The following ODF2 variants were observed in gnomAD, a reference collection of about 807,000 sequenced individuals.
The protein encoded by ODF2 is outer dense fiber of sperm tails 2.
In ODF2, 47 loss-of-function variants were observed where a neutral mutation model predicts 110.2. The observed-to-expected ratio is 0.43, with a 90% CI of 0.34 to 0.54. The LOEUF is 0.54. Ranked by LOEUF, ODF2 falls within the 20% of genes least tolerant of loss-of-function variation. The pLI, the probability that ODF2 is intolerant of heterozygous loss-of-function variation, is 0.03. For missense variants in ODF2, 812 were observed against 1,054.5 expected, an observed-to-expected ratio of 0.77 and a Z score of 3.19; for synonymous variants, 352 against 397.7, an observed-to-expected ratio of 0.89 and a Z score of 1.37.
chr9:128,471,834 A>G lies in ODF2; in HGVS notation c.581+366A>G, dbSNP rs78132190. Among the ~76,000 whole-genome samples the G allele has an allele frequency of 9.6e-3, 1,464 of 152,212 alleles. 31 individuals are homozygous for G. Among genetic ancestry groups the G allele is most frequent in the East Asian group, 0.072 (370 of 5,138 alleles). ...TTATGCGAAGGCCCCAAGGTGGGAAAGTGTTTGTAGCTGAGAAATGGAAGG... is the reference window on the plus strand; with the variant it reads ...TTATGCGAAGGCCCCAAGGTGGGAAGGTGTTTGTAGCTGAGAAATGGAAGG... On this transcript the variant is annotated intron_variant, in intron 6 of 20. Transcript: ENST00000604420.
chr9:128,458,203 A>G (rs1835450250), intron 2 of ODF2, among the ~76,000 whole-genome samples: 1 of 152,052 alleles, frequency 6.6e-6, no homozygotes, highest in South Asian at 2.1e-4. Context: ...GTGCAATCCT[A>G]GCACTTTGAG....
rs139026310 is a variant in ODF2 at position 128,478,377 on chromosome 9, T to C, written c.844-3203T>C. Among the ~76,000 whole-genome samples, 45 of 152,158 alleles carry C rather than the reference T, an allele frequency of 3.0e-4. 1 individual carries two copies. The East Asian group carries it at 8.7e-3, about 29-fold the overall frequency. On this transcript the variant is annotated intron_variant, in intron 8 of 20. Transcript: ENST00000604420. ...CTTTGGGAGGCCGAGGTGGGCAGATTGCCTGAGCTCAGGAATTTGAGACCA... is the reference window on the plus strand; with the variant it reads ...CTTTGGGAGGCCGAGGTGGGCAGATCGCCTGAGCTCAGGAATTTGAGACCA...
intron 4 of ODF2, among the ~76,000 whole-genome samples, chr9:128,464,072 T>G (rs1837218879): frequency 6.6e-6 from 1 of 151,540 alleles, no homozygotes; most frequent in Non-Finnish European, 1.5e-5. Context: ...CTCGAACTCC[T>G]GACCTCAAGT....
At chr9:128,477,506 GTCAC>G (rs1288662501) in intron 8 of ODF2, among the ~76,000 whole-genome samples, 1 of 152,062 alleles carries the variant, frequency 6.6e-6, no homozygotes, top group Non-Finnish European at 1.5e-5. Flanking sequence ...CTGAGATTGT[GTCAC>G]TCACTCAGGC....
intron 4 of ODF2, among the ~76,000 whole-genome samples, chr9:128,465,218 C>T (rs965813083): frequency 6.6e-6 from 1 of 152,120 alleles, no homozygotes; most frequent in Non-Finnish European, 1.5e-5. Flanking sequence ...TGTGTCTGCC[C>T]CTTTCCACTT....
rs1006448728 is a variant in ODF2, at chr9:128,485,747, T to A, written c.1400+273T>A. ...GGTCAGAGGTGTGGGTCTGACTTCATCACCTGGGCCTGATCCTGTCCTCAG... is the reference window on the plus strand; with the variant it reads ...GGTCAGAGGTGTGGGTCTGACTTCAACACCTGGGCCTGATCCTGTCCTCAG... On this transcript the variant is annotated intron_variant, in intron 13 of 20. Coordinates refer to ENST00000604420, the Ensembl canonical transcript of ODF2. This position sits in a 1 kb window ranked among gnomAD's most constrained non-coding sequence, Gnocchi z 5.0. Among the ~76,000 whole-genome samples, 2 of 152,156 alleles carry A rather than the reference T, an allele frequency of 1.3e-5. No homozygotes were observed. Among genetic ancestry groups the A allele is most frequent in the African/African-American group, 2.4e-5 (1 of 41,410 alleles).
intron 12 of ODF2, 30 bp downstream of exon 12, chr9:128,484,916 C>A (rs1265943892): frequency 6.2e-7 from 1 of 1,606,868 alleles, no homozygotes. Context: ...CAGCTCCTCA[C>A]CTGCCCTGAG....
intron 14 of ODF2, among the ~76,000 whole-genome samples, chr9:128,491,201 C>T (rs934276622): frequency 1.3e-5 from 2 of 151,848 alleles, no homozygotes; most frequent in South Asian, 2.1e-4. Context: ...CATGCCAGCA[C>T]GTCCGGCTGA....
chr9:128,460,504 C>T lies in ODF2; in HGVS notation c.124-438C>T, dbSNP rs1273185535. On this transcript the variant is annotated intron_variant, in intron 3 of 20. Coordinates refer to ENST00000604420, the Ensembl canonical transcript of ODF2. ...GCTCTGTTTTTATGCCCAGTTTACTCATCCACAGATCAACCATTTTTGTGT... is the reference window on the plus strand; with the variant it reads ...GCTCTGTTTTTATGCCCAGTTTACTTATCCACAGATCAACCATTTTTGTGT... 3 of 1,604,280 alleles carry T rather than the reference C, an allele frequency of 1.9e-6. No individual in the cohort carries two copies. The Admixed American group carries it at 5.2e-5, about 28-fold the overall frequency.
chr9:128,457,940 TATA>T (rs755405346), intron 2 of ODF2, among the ~76,000 whole-genome samples: 71 of 70,498 alleles, frequency 1.0e-3, no homozygotes, highest in African/African-American at 2.1e-3. Context: ...TATATATATA[TATA>T]TTTTTTTTTT....
At position 128,492,409 on chromosome 9, in the gene ODF2, T is replaced by C. The variant is rs368436823; in HGVS notation, c.1537-17T>C. 6.3e-7 allele frequency: 1 copy of C among 1,581,052 alleles called. No homozygotes were observed. The highest frequency in any genetic ancestry group is 8.7e-7 in the Non-Finnish European group (1 of 1,150,210). On this transcript the variant is annotated splice_polypyrimidine_tract_variant and intron_variant, in intron 14 of 20. Coordinates refer to ENST00000604420, the Ensembl canonical transcript of ODF2. ...GCAGAACCTTCCTGTGGGTTACTCA[T>C]GAGCCATCCCTTCCAGGCCAGCTTT...
Position 128,494,886 on chromosome 9 carries a change from G to A in ODF2, c.1911+218G>A, listed in dbSNP as rs568996538. 2.3e-5 allele frequency: 33 copies of A among 1,436,266 alleles called. No homozygotes were observed. The East Asian group carries it at 3.5e-4, about 15-fold the overall frequency. The allele number at this position is 1,436,266 out of a possible 1,614,324, so 89.0% of individuals were successfully genotyped here. On this transcript the variant is annotated intron_variant, in intron 17 of 20. Transcript: ENST00000604420. The surrounding 1 kb of genome is among the most constrained non-coding windows in gnomAD (Gnocchi z 4.6). Reference sequence around the variant, plus strand: ...TGTAGTTATAGGAGCCGTCACTTGCGTGGAGTCACTGGGCCCTCCTGCTGT... The same window carrying A: ...TGTAGTTATAGGAGCCGTCACTTGCATGGAGTCACTGGGCCCTCCTGCTGT...
At chr9:128,461,437 G>T in intron 4 of ODF2, 1 of 188,220 alleles carries the variant, frequency 5.3e-6, no homozygotes, top group Non-Finnish European at 1.1e-5. Context: ...TTTTCTTTTT[G>T]AGACAGAGCC....
chr9:128,459,114 G>T (rs1835737069), intron 2 of ODF2, among the ~76,000 whole-genome samples: 1 of 152,134 alleles, frequency 6.6e-6, no homozygotes, highest in African/African-American at 2.4e-5. Context: ...AAAAGTGCTG[G>T]GATTACAGGC....
intron 5 of ODF2, among the ~76,000 whole-genome samples, chr9:128,470,412 C>T (rs976826798): frequency 1.6e-4 from 24 of 151,802 alleles, no homozygotes; most frequent in African/African-American, 5.8e-4. Context: ...GGGCAGATCA[C>T]TTGAGGTCAG....
In ODF2 at chr9:128,499,091, A is replaced by G. The variant is rs139418268; in HGVS notation, c.2266A>G (p.Thr756Ala). Residue 756 changes from threonine (T) to alanine (A), a missense_variant, in exon 20 of 21, where the codon ACG becomes GCG. This residue lies in a region of ODF2 where 234 missense variants were observed against 245.3 expected (regional missense o/e 0.95). Coordinates refer to ENST00000604420, the Ensembl canonical transcript of ODF2. Reference sequence around the variant, plus strand: ...TGAGACCCAGCTGAGCAGAACCAAAACGGAATTGAGCCAGCTGCGGCGGAG... The same window carrying G: ...TGAGACCCAGCTGAGCAGAACCAAAGCGGAATTGAGCCAGCTGCGGCGGAG... 3 of 1,614,176 alleles carry G rather than the reference A, an allele frequency of 1.9e-6. No homozygotes were observed. The African/African-American group carries it at 4.0e-5, about 22-fold the overall frequency.
intron 14 of ODF2, among the ~76,000 whole-genome samples, chr9:128,490,155 C>A (rs1247124558): frequency 1.3e-5 from 2 of 152,142 alleles, no homozygotes; most frequent in Non-Finnish European, 2.9e-5. Context: ...CCCAGCAAGA[C>A]CCCATCTCTA....
chr9:128,473,775 C>G, intron 8 of ODF2, 34 bp downstream of exon 8: 1 of 1,586,046 alleles, frequency 6.3e-7, no homozygotes, highest in East Asian at 2.2e-5. Flanking sequence ...CCCTCCAGCT[C>G]TGCATGCCCA....
chr9:128,482,963 T>C (rs898622139), intron 10 of ODF2, 76 bp downstream of exon 10: 2 of 1,141,834 alleles, frequency 1.8e-6, no homozygotes, highest in Non-Finnish European at 1.3e-6. Flanking sequence ...TGGCGCGATC[T>C]CAGCTCGCTG....
Sources: allele counts gnomAD v4.1 joint callset (sites outside exome capture counted in the v4.1 genomes callset), GRCh38; gene constraint gnomAD v4.1.1; regional missense constraint gnomAD v4.1.1; non-coding constraint Gnocchi (gnomAD v3.1); transcripts MANE v1.5; gene names NCBI Gene and HGNC (gene_info 2026-07-23, HGNC 2026-07-21).